Variants in C17orf67 observed in about 807,000 individuals in gnomAD.
C17orf67 encodes uncharacterized protein C17orf67.
A neutral mutation model predicts 11.2 loss-of-function variants in C17orf67; 12 were observed. That is an observed-to-expected ratio of 1.07 (90% CI 0.68 to 1.73). The LOEUF (loss-of-function observed/expected upper bound fraction) is 1.73. Ranked by LOEUF, C17orf67 falls within the 40% of genes most tolerant of loss-of-function variation. C17orf67 has a pLI of 0.00. For missense variants in C17orf67, 115 were observed against 113.5 expected (o/e 1.01, Z -0.06); for synonymous variants, 59 against 46.9 (o/e 1.26, Z -1.05).
chr17:56,802,539 G>A (rs1905349068), intron 6 of C17orf67, among the ~76,000 whole-genome samples: 1 of 152,070 alleles, frequency 6.6e-6, no homozygotes, highest in African/African-American at 2.4e-5. Flanking sequence ...TTTCTTGTTG[G>A]TTTGCCTTAA....
At chr17:56,820,661 A>T (rs1905878636) in intron 4 of C17orf67, among the ~76,000 whole-genome samples, 1 of 152,006 alleles carries the variant, frequency 6.6e-6, no homozygotes. Flanking sequence ...TTATTTGAGG[A>T]CCTGTTGTGT....
chr17:56,814,775 C>T lies in C17orf67; in HGVS notation c.156+94G>A, dbSNP rs999829285. 2.5e-6 allele frequency: 3 copies of T among 1,200,538 alleles called. No homozygotes were observed. The African/African-American group carries it at 4.5e-5, about 18-fold the overall frequency. The allele number at this position is 1,200,538 out of a possible 1,614,324, so 74.4% of individuals were successfully genotyped here. On this transcript the variant is annotated intron_variant, in intron 6 of 7. Transcript: ENST00000397861. ...CCTGAAACTCTAACCAAACCCCTAA[C>T]TAGCAGCCCATGCTGGGACCAACAC...
At chr17:56,815,035 T>G in intron 5 of C17orf67, 66 bp from the exon 6 acceptor site, 1 of 1,343,550 alleles carries the variant, frequency 7.4e-7, no homozygotes, top group Non-Finnish European at 1.1e-6. Context: ...ATCTCAACAG[T>G]CCAAGGCAAA....
intron 2 of C17orf67, among the ~76,000 whole-genome samples, chr17:56,830,534 T>C (rs1906171305): frequency 6.6e-6 from 1 of 152,170 alleles, no homozygotes; most frequent in Non-Finnish European, 1.5e-5. Flanking sequence ...AGGGAGAGAT[T>C]TCTAAGAAGA....
At chr17:56,818,311 A>G (rs1348033136) in intron 4 of C17orf67, among the ~76,000 whole-genome samples, 1 of 152,222 alleles carries the variant, frequency 6.6e-6, no homozygotes, top group Non-Finnish European at 1.5e-5. Context: ...TGGGCCAGAA[A>G]CAAAATCTAT....
rs562325731 is a variant in C17orf67, at chr17:56,792,304, C to A, written c.*69G>T. ...ATTTAAAAACAAGTGAAAGAAGCAG[C>A]CTTGTCTTGCTTCGACATTATCCAG... is the stretch of plus-strand genomic sequence containing the variant. On this transcript the variant is annotated 3_prime_UTR_variant, in exon 8 of 8. Coordinates refer to ENST00000397861, the MANE Select transcript of C17orf67 (RefSeq NM_001085430.4). The A allele has an allele frequency of 3.9e-4, 60 of 152,366 alleles. No individual in the cohort carries two copies. Among genetic ancestry groups the A allele is most frequent in the African/African-American group, 1.3e-3 (54 of 41,582 alleles). The allele number at this position is 152,366 out of a possible 1,614,324, so 9.4% of individuals were successfully genotyped here.
At chr17:56,797,742 G>T (rs1970872) in intron 6 of C17orf67, among the ~76,000 whole-genome samples, 129,583 of 152,116 alleles carry the variant, frequency 0.85, 55,375 homozygotes, top group East Asian at 0.93. Flanking sequence ...TCTCTCAGTT[G>T]GCTCGTGCTC....
chr17:56,801,892 G>A (rs1905331413), intron 6 of C17orf67, among the ~76,000 whole-genome samples: 2 of 152,186 alleles, frequency 1.3e-5, no homozygotes, highest in Admixed American at 1.3e-4. Flanking sequence ...AACCCCTGCT[G>A]CCTGCTTCTT....
intron 2 of C17orf67, among the ~76,000 whole-genome samples, chr17:56,829,000 C>A (rs78109891): frequency 6.6e-6 from 1 of 152,144 alleles, no homozygotes; most frequent in African/African-American, 2.4e-5. Flanking sequence ...CACATCCCAG[C>A]GGGGCACAGC....
Position 56,815,875 on chromosome 17 carries a change from G to A in C17orf67, c.-65C>T. 6.2e-7 allele frequency: 1 copy of A among 1,609,778 alleles called. No individual in the cohort carries two copies. Among genetic ancestry groups the A allele is most frequent in the Non-Finnish European group, 8.5e-7 (1 of 1,177,592 alleles). On this transcript the variant is annotated 5_prime_UTR_variant, in exon 5 of 8. Coordinates refer to ENST00000397861, the MANE Select transcript of C17orf67 (RefSeq NM_001085430.4). ...CCAGACTGAGTCAGCCAACTTGAAG[G>A]AAGCCATGCCAGGCCCTGCGCTTGT...
chr17:56,815,697 A>G, intron 5 of C17orf67, 59 bp downstream of exon 5: 5 of 1,405,456 alleles, frequency 3.6e-6, no homozygotes, highest in Non-Finnish European at 4.7e-6. Flanking sequence ...TAAATATCAA[A>G]TAGACTATTA....
intron 6 of C17orf67, among the ~76,000 whole-genome samples, chr17:56,802,969 A>C (rs1905358436): frequency 6.6e-6 from 1 of 152,242 alleles, no homozygotes; most frequent in South Asian, 2.1e-4. Flanking sequence ...CCTTAGCAGG[A>C]ATCCAGGCAG....
chr17:56,798,760 G>A (rs150566213), intron 6 of C17orf67, among the ~76,000 whole-genome samples: 18,067 of 152,164 alleles, frequency 0.12, 1,161 homozygotes, highest in South Asian at 0.16. Flanking sequence ...TTGAGCCCAG[G>A]AGGTAGAGGT....
chr17:56,796,692 C>G (rs1905220242), intron 6 of C17orf67, among the ~76,000 whole-genome samples: 1 of 152,170 alleles, frequency 6.6e-6, no homozygotes, highest in South Asian at 2.1e-4. Context: ...GAATAGTTCT[C>G]AGATGCCCTC....
chr17:56,812,278 GTGGT>G (rs1905648420), intron 6 of C17orf67, among the ~76,000 whole-genome samples: 1 of 152,212 alleles, frequency 6.6e-6, no homozygotes, highest in Non-Finnish European at 1.5e-5. Context: ...GGGCCAGAGG[GTGGT>G]GGAGGCTGCC....
At chr17:56,814,690 GCT>G (rs960213710) in intron 6 of C17orf67, among the ~76,000 whole-genome samples, 177 bp downstream of exon 6, 1 of 152,194 alleles carries the variant, frequency 6.6e-6, no homozygotes, top group African/African-American at 2.4e-5. Context: ...GGTGAGTCGG[GCT>G]GGCACCTCCA....
At chr17:56,809,753 T>G (rs1375101472) in intron 6 of C17orf67, among the ~76,000 whole-genome samples, 1 of 121,992 alleles carries the variant, frequency 8.2e-6, no homozygotes, top group African/African-American at 3.2e-5. Context: ...ACATACACCC[T>G]CACACACACC....
chr17:56,794,222 G>A lies in C17orf67; in HGVS notation c.*20+822C>T, dbSNP rs550563583. The stretch of plus-strand genomic sequence containing the variant: ...ATTATAAAGAGTGATTAATAGGAGC[G>A]TCCCTGTGTCAATTCACAGTAGCAC... On this transcript the variant is annotated intron_variant, in intron 7 of 7. Transcript: ENST00000397861. Among the ~76,000 whole-genome samples, 8 of 152,298 alleles carry A rather than the reference G, an allele frequency of 5.3e-5. No homozygotes were observed. The South Asian group carries it at 1.0e-3, about 20-fold the overall frequency.
chr17:56,824,179 A>G (rs143818513), intron 4 of C17orf67, among the ~76,000 whole-genome samples: 78 of 152,278 alleles, frequency 5.1e-4, no homozygotes, highest in African/African-American at 1.7e-3. Context: ...TCTTGGGAGT[A>G]AATTAGTTCT....
Sources: allele counts gnomAD v4.1 joint callset (sites outside exome capture counted in the v4.1 genomes callset), GRCh38; gene constraint gnomAD v4.1.1; transcripts MANE v1.5; gene names NCBI Gene and HGNC (gene_info 2026-07-23, HGNC 2026-07-21).